Variants in GRM1 observed in about 807,000 individuals in gnomAD.
GRM1 encodes metabotropic glutamate receptor 1.
GRM1 carries 33 observed loss-of-function variants against 90.9 expected under a neutral mutation model. That is an observed-to-expected ratio of 0.36 (90% CI 0.28 to 0.49). The LOEUF is 0.49. GRM1 is among the 20% of genes least tolerant of loss of function. The pLI is 0.99. For synonymous variants in GRM1, 700 were observed against 613.2 expected (o/e 1.14, Z -2.09); for missense variants, 1,190 against 1,534.3 (o/e 0.78, Z 3.75).
chr6:146,252,258 A>C (rs1243939456), intron 2 of GRM1, among the ~76,000 whole-genome samples: 3 of 152,306 alleles, frequency 2.0e-5, no homozygotes, highest in Middle Eastern at 3.4e-3. Context: ...AGAGGTAATA[A>C]ATAAGGGTTT....
At chr6:146,216,560 C>A (rs1015887289) in intron 2 of GRM1, among the ~76,000 whole-genome samples, 1 of 152,140 alleles carries the variant, frequency 6.6e-6, no homozygotes, top group African/African-American at 2.4e-5. Context: ...GGAAAAATAT[C>A]ATTCGGTTGA....
intron 1 of GRM1, among the ~76,000 whole-genome samples, chr6:146,123,181 G>A (rs769872556): frequency 6.6e-6 from 1 of 151,964 alleles, no homozygotes; most frequent in Non-Finnish European, 1.5e-5. Flanking sequence ...TCAGATATTA[G>A]CTCCTTGGTT....
At chr6:146,165,635 C>T (rs1777879305) in intron 2 of GRM1, among the ~76,000 whole-genome samples, 1 of 152,272 alleles carries the variant, frequency 6.6e-6, no homozygotes, top group South Asian at 2.1e-4. Context: ...AACCTGCAGA[C>T]AGGCTATACT....
chr6:146,038,922 TAAAG>T (rs1277252173), intron 1 of GRM1, among the ~76,000 whole-genome samples: 6 of 152,026 alleles, frequency 3.9e-5, no homozygotes, highest in Non-Finnish European at 7.4e-5. Flanking sequence ...CAGCTTATAA[TAAAG>T]AAATTCAATA....
At chr6:146,134,668 C>T (rs1274180049) in intron 1 of GRM1, among the ~76,000 whole-genome samples, 1 of 152,196 alleles carries the variant, frequency 6.6e-6, no homozygotes, top group Non-Finnish European at 1.5e-5. Flanking sequence ...TGGTGGCTCA[C>T]ATCGGTAATC....
intron 2 of GRM1, among the ~76,000 whole-genome samples, chr6:146,160,256 C>T (rs1777675536): frequency 6.6e-6 from 1 of 152,184 alleles, no homozygotes; most frequent in South Asian, 2.1e-4. Context: ...CATCTTGTCA[C>T]ATTTATGAGA....
At chr6:146,226,967 A>T (rs1040622931) in intron 2 of GRM1, among the ~76,000 whole-genome samples, 2 of 152,098 alleles carry the variant, frequency 1.3e-5, no homozygotes, top group African/African-American at 4.8e-5. Context: ...AGAACTGTTC[A>T]TTTGAAGAAA....
chr6:146,218,256 C>T (rs1346921668), intron 2 of GRM1, among the ~76,000 whole-genome samples: 1 of 152,122 alleles, frequency 6.6e-6, no homozygotes, highest in African/African-American at 2.4e-5. Context: ...TTTGGTGAGA[C>T]TGTGAGATCG....
intron 2 of GRM1, among the ~76,000 whole-genome samples, chr6:146,215,635 TAAA>T (rs1160142070): frequency 7.0e-6 from 1 of 142,450 alleles, no homozygotes; most frequent in Non-Finnish European, 1.5e-5. Flanking sequence ...GTTTTATCAT[TAAA>T]AAAATTAACA....
intron 1 of GRM1, among the ~76,000 whole-genome samples, chr6:146,104,540 T>TTG (rs1554266879): frequency 2.5e-4 from 38 of 152,000 alleles, no homozygotes; most frequent in Admixed American, 1.4e-3. Flanking sequence ...ATGTTTCATA[T>TTG]GGGGGGGCAT....
intron 2 of GRM1, among the ~76,000 whole-genome samples, chr6:146,180,919 T>G (rs1274711810): frequency 1.3e-5 from 2 of 152,178 alleles, no homozygotes; most frequent in Non-Finnish European, 2.9e-5. Context: ...TCTGGTTAGC[T>G]CTAGGTATAA....
At chr6:146,295,380 T>A (rs1373734974) in intron 2 of GRM1, among the ~76,000 whole-genome samples, 1 of 127,232 alleles carries the variant, frequency 7.9e-6, no homozygotes, top group Non-Finnish European at 1.6e-5. Flanking sequence ...CCCACCCCCA[T>A]GCCCGGCTAA....
intron 2 of GRM1, among the ~76,000 whole-genome samples, chr6:146,195,526 TCTC>T (rs144336405): frequency 0.016 from 2,394 of 152,248 alleles, 51 homozygotes; most frequent in African/African-American, 0.054. Context: ...CCTCTTCTCT[TCTC>T]CTCCAACAGT....
At chr6:146,043,812 A>ATATATATATATATATAT (rs1791221207) in intron 1 of GRM1, among the ~76,000 whole-genome samples, 1 of 70,338 alleles carries the variant, frequency 1.4e-5, no homozygotes, top group Admixed American at 1.3e-4. Context: ...TATATATATA[A>ATATATATATATATATAT]AGGGAAGTGA....
At chr6:146,041,981 T>A (rs1275328568) in intron 1 of GRM1, among the ~76,000 whole-genome samples, 1 of 152,008 alleles carries the variant, frequency 6.6e-6, no homozygotes, top group East Asian at 1.9e-4. Context: ...GGTGTCTTGT[T>A]ACTGCATCCT....
intron 5 of GRM1, among the ~76,000 whole-genome samples, chr6:146,383,254 C>G (rs938178823): frequency 2.6e-5 from 4 of 152,124 alleles, no homozygotes; most frequent in Admixed American, 1.3e-4. Context: ...CAAACACCTT[C>G]CATGTACTAG....
At chr6:146,065,630 C>T (rs1308760842) in intron 1 of GRM1, among the ~76,000 whole-genome samples, 1 of 152,080 alleles carries the variant, frequency 6.6e-6, no homozygotes, top group Non-Finnish European at 1.5e-5. Context: ...TGATGCTGGG[C>T]CTGAGCTGTT....
In GRM1 at chr6:146,029,484, C is replaced by A; in HGVS notation, c.-34C>A. On this transcript the variant is annotated 5_prime_UTR_variant, in exon 1 of 8. Transcript: ENST00000282753. ...CTGCAGCGGGACCAGCGTGGGAACGCGGCTGGCAGGCTGTGGACCTCGTCC... is the reference window on the plus strand; with the variant it reads ...CTGCAGCGGGACCAGCGTGGGAACGAGGCTGGCAGGCTGTGGACCTCGTCC... 1.3e-6 allele frequency: 2 copies of A among 1,545,522 alleles called. No homozygotes were observed. The highest frequency in any genetic ancestry group is 1.8e-6 in the Non-Finnish European group (2 of 1,117,790).
At chr6:146,304,086 G>A (rs1289877881) in intron 2 of GRM1, among the ~76,000 whole-genome samples, 1 of 152,082 alleles carries the variant, frequency 6.6e-6, no homozygotes, top group Non-Finnish European at 1.5e-5. Flanking sequence ...TACTTCTATG[G>A]GAGGCAGATT....
Sources: allele counts gnomAD v4.1 joint callset (sites outside exome capture counted in the v4.1 genomes callset), GRCh38; gene constraint gnomAD v4.1.1; transcripts MANE v1.5; gene names NCBI Gene and HGNC (gene_info 2026-07-23, HGNC 2026-07-21).